DHRSX: variants seen among roughly 807,000 people sequenced by gnomAD.
DHRSX encodes polyprenol dehydrogenase.
In DHRSX, 31 loss-of-function variants were observed where a neutral mutation model predicts 34.0. The ratio of observed to expected loss-of-function variants is 0.91; its 90% CI spans 0.69 to 1.23. The LOEUF is 1.23. Ranked by LOEUF, DHRSX falls within the 50% of genes most tolerant of loss-of-function variation. The probability of loss-of-function intolerance (pLI) is 0.00; values close to 1 mark genes in which losing one functional copy is unlikely to be tolerated. For synonymous variants in DHRSX, 201 were observed against 183.8 expected, an observed-to-expected ratio of 1.09 and a Z score of -0.76; for missense variants, 414 against 428.1, an observed-to-expected ratio of 0.97 and a Z score of 0.29.
Position 2,470,936 on chromosome X carries a change from A to C in DHRSX, c.109+29881T>G, listed in dbSNP as rs185232197. On this transcript the variant is annotated intron_variant, in intron 1 of 6. Transcript: ENST00000334651. ...TAGCTTGATTGTTAATATGTTAATT[A>C]GCTTCAATGTTAATATGTTAATTAG... 4.1e-3 allele frequency among the ~76,000 whole-genome samples: 619 copies of C among 152,338 alleles called. 2 individuals are homozygous for C. Among genetic ancestry groups the C allele is most frequent in the Admixed American group, 6.1e-3 (93 of 15,306 alleles).
chrX:2,375,216 A>G (rs181933894), intron 3 of DHRSX, among the ~76,000 whole-genome samples: 1 of 138,582 alleles, frequency 7.2e-6, no homozygotes, highest in East Asian at 2.0e-4. Flanking sequence ...AAGCAACCAC[A>G]TCAGGTGGGA....
chrX:2,293,427 A>G (rs1264496230), intron 3 of DHRSX, among the ~76,000 whole-genome samples: 1 of 152,178 alleles, frequency 6.6e-6, no homozygotes, highest in African/African-American at 2.4e-5. Flanking sequence ...ACTAGCTATT[A>G]CTTGCAGCAG....
intron 3 of DHRSX, among the ~76,000 whole-genome samples, chrX:2,311,846 G>A (rs2042169201): frequency 6.6e-6 from 1 of 152,136 alleles, no homozygotes; most frequent in Non-Finnish European, 1.5e-5. Flanking sequence ...CGATTTAATG[G>A]TCTGAGTTGT....
At chrX:2,253,807 T>A (rs2016497398) in intron 5 of DHRSX, among the ~76,000 whole-genome samples, 1 of 152,184 alleles carries the variant, frequency 6.6e-6, no homozygotes, top group South Asian at 2.1e-4. Context: ...ACGCCTGTAA[T>A]CCCAGCACTT....
chrX:2,342,584 G>A (rs1381447000), intron 3 of DHRSX, among the ~76,000 whole-genome samples: 1 of 152,134 alleles, frequency 6.6e-6, no homozygotes, highest in Non-Finnish European at 1.5e-5. Context: ...GCATGTGAGT[G>A]GCTAGTTTCT....
intron 3 of DHRSX, among the ~76,000 whole-genome samples, chrX:2,303,736 GTGGATGGA>G (rs898321777): frequency 6.8e-6 from 1 of 146,408 alleles, no homozygotes. Flanking sequence ...GGATGGATAG[GTGGATGGA>G]TGGATGGATT....
Position 2,340,460 on chromosome X carries a change from G to A in DHRSX, c.287-48857C>T, listed in dbSNP as rs867323319. On this transcript the variant is annotated intron_variant, in intron 3 of 6. Coordinates refer to ENST00000334651, the MANE Select transcript of DHRSX (RefSeq NM_145177.3). ...TGTGCGTCTGTCTGTGTGTGTGTGT[G>A]TATATATATATATGATGTCCATCAA... Among the ~76,000 whole-genome samples, 26 of 150,908 alleles carry A rather than the reference G, an allele frequency of 1.7e-4. No individual in the cohort carries two copies. The South Asian group carries it at 3.8e-3, about 22-fold the overall frequency.
At chrX:2,246,937 G>A (rs1329011740) in intron 5 of DHRSX, among the ~76,000 whole-genome samples, 1 of 152,026 alleles carries the variant, frequency 6.6e-6, no homozygotes, top group East Asian at 1.9e-4. Context: ...GGGGAACAGA[G>A]ACTGATGTTG....
At chrX:2,489,256 G>A (rs369469420) in intron 1 of DHRSX, 76 of 1,613,836 alleles carry the variant, frequency 4.7e-5, no homozygotes, top group Non-Finnish European at 6.2e-5. Flanking sequence ...GCTGCCGCTC[G>A]AAGGCGGAGA....
intron 1 of DHRSX, chrX:2,490,662 G>A: frequency 1.2e-6 from 2 of 1,613,940 alleles, no homozygotes; most frequent in Non-Finnish European, 1.7e-6. Context: ...CTCTTGGCGC[G>A]GGGGTGGGCC....
chrX:2,426,624 T>G (rs2043852513), intron 1 of DHRSX, among the ~76,000 whole-genome samples: 1 of 147,262 alleles, frequency 6.8e-6, no homozygotes, highest in South Asian at 2.3e-4. Flanking sequence ...CCTCTTTCCC[T>G]CCTTTCTTCT....
intron 3 of DHRSX, among the ~76,000 whole-genome samples, chrX:2,364,438 T>C (rs772411480): frequency 3.3e-4 from 50 of 152,296 alleles, no homozygotes; most frequent in African/African-American, 1.1e-3. Context: ...AAGCCTGCCT[T>C]AGCATGACAG....
chrX:2,393,075 T>C (rs1043278271), intron 3 of DHRSX, among the ~76,000 whole-genome samples: 5 of 147,232 alleles, frequency 3.4e-5, no homozygotes, highest in South Asian at 2.1e-4. Context: ...TGTCATTATG[T>C]ATTTAATATA....
At chrX:2,314,148 G>A (rs1363450537) in intron 3 of DHRSX, among the ~76,000 whole-genome samples, 3 of 137,332 alleles carry the variant, frequency 2.2e-5, no homozygotes, top group Non-Finnish European at 4.6e-5. Flanking sequence ...CCAGATCTGG[G>A]AAGGAACAAA....
At chrX:2,316,268 G>C (rs1387501342) in intron 3 of DHRSX, among the ~76,000 whole-genome samples, 22 of 152,052 alleles carry the variant, frequency 1.4e-4, no homozygotes, top group Non-Finnish European at 4.4e-5. Flanking sequence ...CCAGCAAAAA[G>C]GGCCGGCTGC....
At chrX:2,245,227 A>G (rs2016249002) in intron 5 of DHRSX, among the ~76,000 whole-genome samples, 1 of 152,140 alleles carries the variant, frequency 6.6e-6, no homozygotes, top group Admixed American at 6.6e-5. Context: ...CAAACCCAAA[A>G]GAATGTAACC....
At chrX:2,402,928 G>A (rs1392573935) in intron 3 of DHRSX, among the ~76,000 whole-genome samples, 1 of 145,296 alleles carries the variant, frequency 6.9e-6, no homozygotes. Flanking sequence ...TGTAGTCCAG[G>A]TTGGAGTGCG....
intron 2 of DHRSX, among the ~76,000 whole-genome samples, chrX:2,413,750 G>A (rs927641507): frequency 2.0e-4 from 31 of 152,024 alleles, no homozygotes; most frequent in Admixed American, 5.2e-4. Context: ...GATGACCAAC[G>A]CAACTACACC....
At chrX:2,234,273 ACAGCTGGCTCCATGCATG>A (rs766160212) in intron 6 of DHRSX, among the ~76,000 whole-genome samples, 13 of 150,176 alleles carry the variant, frequency 8.7e-5, no homozygotes, top group African/African-American at 3.3e-4. Context: ...ATCCACGCAC[ACAGCTGGCTCCATGCATG>A]TGCATTCAAT....
Sources: gnomAD v4.1 joint callset for allele counts (sites outside exome capture counted in the v4.1 genomes callset) on GRCh38, gnomAD v4.1.1 for gene constraint, MANE v1.5 for transcripts, NCBI Gene and HGNC (gene_info 2026-07-23, HGNC 2026-07-21) for gene names.